Variants in SPATS2L observed in about 807,000 individuals in gnomAD.
SPATS2L encodes SPATS2-like protein.
A neutral mutation model predicts 59.6 loss-of-function variants in SPATS2L; 30 were observed. That is an observed-to-expected ratio of 0.50 (90% CI 0.38 to 0.68). SPATS2L has a LOEUF of 0.68. Ranked by LOEUF, SPATS2L falls within the 30% of genes least tolerant of loss-of-function variation. The pLI, the probability that SPATS2L is intolerant of heterozygous loss-of-function variation, is 0.00. For missense variants in SPATS2L, 615 were observed against 700.0 expected (o/e 0.88, Z 1.37); for synonymous variants, 252 against 263.5 (o/e 0.96, Z 0.42).
chr2:200,453,010 A>G (rs1471554566), intron 8 of SPATS2L, among the ~76,000 whole-genome samples: 1 of 152,218 alleles, frequency 6.6e-6, no homozygotes. Context: ...CCAGCAGTGT[A>G]ACAATAAACA....
intron 2 of SPATS2L, among the ~76,000 whole-genome samples, chr2:200,365,583 A>T (rs1355775971): frequency 6.6e-6 from 1 of 152,248 alleles, no homozygotes; most frequent in Admixed American, 6.5e-5. Context: ...TGGATTAGCC[A>T]GAAACATTAT....
chr2:200,379,375 T>C (rs1245904636), intron 2 of SPATS2L, among the ~76,000 whole-genome samples: 2 of 152,208 alleles, frequency 1.3e-5, no homozygotes, highest in Non-Finnish European at 2.9e-5. Flanking sequence ...ACATGGAACG[T>C]GCTTAGAGCA....
intron 2 of SPATS2L, among the ~76,000 whole-genome samples, chr2:200,341,855 A>AT (rs1159248181): frequency 1.3e-5 from 2 of 151,156 alleles, no homozygotes; most frequent in African/African-American, 2.4e-5. Context: ...ACGCCCAGAT[A>AT]TTTTTTTTGT....
At chr2:200,419,710 A>ATT (rs3033399) in intron 6 of SPATS2L, among the ~76,000 whole-genome samples, 7,243 of 131,600 alleles carry the variant, frequency 0.055, 233 homozygotes, top group Non-Finnish European at 0.064. Context: ...AAGTCAGAGG[A>ATT]TTTTTTTTTT....
intron 11 of SPATS2L, among the ~76,000 whole-genome samples, chr2:200,471,906 A>G (rs6716791): frequency 0.019 from 2,928 of 152,332 alleles, 83 homozygotes; most frequent in African/African-American, 0.064. Context: ...TTAAGCCTCA[A>G]AGAAAGGTCT....
At position 200,439,297 on chromosome 2, in the gene SPATS2L, A is replaced by T; in HGVS notation, c.621A>T (p.Glu207Asp). Residue 207 changes from glutamate to aspartate, a missense_variant, in exon 7 of 13, where the codon GAA becomes GAT. Transcript: ENST00000409140. ...VKSNTPAAHL[E>D]IKPDELAKKR... ...CCAATACCCCTGCAGCTCATCTTGA[A>T]ATAAAGCCAGATGAGTTGGCAAAGA... 1 of 1,613,652 alleles carries T rather than the reference A, an allele frequency of 6.2e-7. No individual in the cohort carries two copies. The highest frequency in any genetic ancestry group is 8.5e-7 in the Non-Finnish European group (1 of 1,179,658).
At chr2:200,350,884 A>G (rs2080702595) in intron 2 of SPATS2L, among the ~76,000 whole-genome samples, 1 of 152,102 alleles carries the variant, frequency 6.6e-6, no homozygotes, top group Admixed American at 6.6e-5. Flanking sequence ...GTGACTGACT[A>G]GGGCTGAGTG....
chr2:200,439,177 A>G lies in SPATS2L; in HGVS notation c.501A>G (p.Ile167Met). 6.2e-7 allele frequency: 1 copy of G among 1,613,788 alleles called. No homozygotes were observed. Among genetic ancestry groups the G allele is most frequent in the Non-Finnish European group, 8.5e-7 (1 of 1,179,740 alleles). The change falls in exon 7 of 13, where the codon ATA becomes ATG. Residue 167 changes from isoleucine to methionine, a missense_variant. By Grantham distance (10) the Ile-to-Met change is conservative (BLOSUM62 1). Around this residue, in one of 3 missense-constraint regions of SPATS2L, gnomAD observed 227 missense variants for 257.4 expected, o/e 0.88. Coordinates refer to ENST00000409140, the MANE Select transcript of SPATS2L (RefSeq NM_001100423.2). ...CCTTAGATGGGAACCCCAAACCTAT[A>G]CATGGAACAACAGAGAGGTCAGATG... ...KLSLDGNPKP[I>M]HGTTERSDGL... is the part of the protein sequence containing the mutation.
chr2:200,336,367 G>A (rs1373497262), intron 2 of SPATS2L, among the ~76,000 whole-genome samples: 1 of 151,830 alleles, frequency 6.6e-6, no homozygotes, highest in Non-Finnish European at 1.5e-5. Flanking sequence ...GTTTTATAAG[G>A]TATATAACAT....
intron 3 of SPATS2L, among the ~76,000 whole-genome samples, chr2:200,407,783 G>C (rs982209105): frequency 4.6e-5 from 7 of 152,134 alleles, no homozygotes; most frequent in African/African-American, 1.7e-4. Context: ...AATCAAGTGA[G>C]ACCTGCCCAC....
intron 5 of SPATS2L, 82 bp downstream of exon 5, chr2:200,416,510 T>G (rs2083066384): frequency 1.3e-6 from 1 of 792,788 alleles, no homozygotes; most frequent in Admixed American, 3.8e-5. Flanking sequence ...AGGCTGCCAA[T>G]TTTTTGCTTC....
intron 4 of SPATS2L, 143 bp from the exon 5 acceptor site, chr2:200,416,236 T>G: frequency 2.6e-6 from 1 of 389,464 alleles, no homozygotes; most frequent in Non-Finnish European, 4.6e-6. Flanking sequence ...ACTGGCATTT[T>G]TATTAAGATA....
Position 200,479,807 on chromosome 2 carries a change from G to C in SPATS2L, c.*1776G>C. 2.5e-6 allele frequency: 1 copy of C among 398,562 alleles called. No homozygotes were observed. Among genetic ancestry groups the C allele is most frequent in the Non-Finnish European group, 4.4e-6 (1 of 226,072 alleles). The allele number at this position is 398,562 out of a possible 1,614,324, so 24.7% of individuals were successfully genotyped here. A position where few individuals can be genotyped will look rare whatever the true frequency, so the allele number is the denominator to read the frequency against. ...GAGCCTGCAAGCCACGCAAGCATCT[G>C]TTTCTTCTTTTGCCAAGTACAGGAG... On this transcript the variant is annotated 3_prime_UTR_variant, in exon 13 of 13. Transcript: ENST00000409140.
At chr2:200,309,191 T>C (rs748567789) in intron 1 of SPATS2L, 3 of 714,814 alleles carry the variant, frequency 4.2e-6, no homozygotes, top group Non-Finnish European at 7.8e-6. Context: ...AGTTGTGTTA[T>C]CAATCACAGT....
At chr2:200,423,385 A>G (rs2083395530) in intron 6 of SPATS2L, among the ~76,000 whole-genome samples, 1 of 152,180 alleles carries the variant, frequency 6.6e-6, no homozygotes, top group South Asian at 2.1e-4. Flanking sequence ...GACACTCTGT[A>G]CCCCATTTTG....
chr2:200,467,446 T>A, intron 10 of SPATS2L, 47 bp downstream of exon 10: 1 of 1,341,066 alleles, frequency 7.5e-7, no homozygotes, highest in South Asian at 1.2e-5. Context: ...AGAGAGCTGA[T>A]CCCAATTATG....
At chr2:200,453,201 G>A (rs570541935) in intron 8 of SPATS2L, among the ~76,000 whole-genome samples, 1 of 152,344 alleles carries the variant, frequency 6.6e-6, no homozygotes, top group Admixed American at 6.5e-5. Context: ...AACCAGCATA[G>A]AGGGTGCAGG....
intron 8 of SPATS2L, among the ~76,000 whole-genome samples, chr2:200,449,824 GT>G (rs1219292973): frequency 3.9e-5 from 6 of 152,048 alleles, no homozygotes; most frequent in South Asian, 4.1e-4. Flanking sequence ...GCTTATTTCT[GT>G]TTTTTTGGAC....
At position 200,419,963 on chromosome 2, in the gene SPATS2L, GAATAGTTGATGACAAAAAGA is replaced by G. The variant is rs1276943901; in HGVS notation, c.445+471_445+490del. ...CTAGAATTCACCTGGGGTAATGAAG[GAATAGTTGATGACAAAAAGA>G]AATGTTATTCAATGTTTTCTTTAGA... is the stretch of plus-strand genomic sequence containing the variant. On this transcript the variant is annotated intron_variant, in intron 6 of 12. Transcript: ENST00000409140. 2.6e-5 allele frequency among the ~76,000 whole-genome samples: 4 copies of G among 152,262 alleles called. No individual in the cohort carries two copies. In the East Asian group the frequency reaches 7.7e-4, roughly 29 times the overall value.
Sources: gnomAD v4.1 joint callset for allele counts (sites outside exome capture counted in the v4.1 genomes callset) on GRCh38, gnomAD v4.1.1 for gene constraint, gnomAD v4.1.1 regional missense constraint, MANE v1.5 for transcripts, NCBI Gene and HGNC (gene_info 2026-07-23, HGNC 2026-07-21) for gene names.